KIF1A: variants seen among roughly 807,000 people sequenced by gnomAD.
KIF1A encodes the protein kinesin-like protein KIF1A.
KIF1A carries 46 observed loss-of-function variants against 227.3 expected under a neutral mutation model. That is an observed-to-expected ratio of 0.20 (90% confidence interval 0.16 to 0.26). The LOEUF is 0.26. Ranked by LOEUF, KIF1A falls within the 10% of genes least tolerant of loss-of-function variation. The pLI is 1.00. For synonymous variants in KIF1A, 1,022 were observed against 1,012.8 expected (o/e 1.01, Z -0.17); for missense variants, 1,683 against 2,485.9 (o/e 0.68, Z 6.87).
At chr2:240,819,341 G>C (rs1193795193) in intron 1 of KIF1A, among the ~76,000 whole-genome samples, 3 of 151,812 alleles carry the variant, frequency 2.0e-5, no homozygotes, top group Non-Finnish European at 4.4e-5. Context: ...TCGCCGCCGG[G>C]CCACACCTGT....
In KIF1A at chr2:240,740,062, G is replaced by A. The variant is rs765966897; in HGVS notation, c.3897C>T (p.Val1299=). 12 of 1,582,176 alleles carry A rather than the reference G, an allele frequency of 7.6e-6. No homozygotes were observed. The highest frequency in any genetic ancestry group is 5.4e-5 in the African/African-American group (4 of 73,884). Residue 1299 remains valine (V), a synonymous_variant, in exon 37 of 49, where the codon GTC becomes GTT. Transcript: ENST00000498729. This position sits in a 1 kb window ranked among gnomAD's most constrained non-coding sequence, Gnocchi z 6.1. ...CAGCCCCCACACCGCACTCACCCAC[G>A]ACCAGCTCGCGCACTTCCTTCCAGC... ...HIRWKEVREL[V]VGRIRNTPET...
intron 2 of KIF1A, among the ~76,000 whole-genome samples, chr2:240,796,250 G>T (rs906873363): frequency 6.6e-6 from 1 of 152,206 alleles, no homozygotes; most frequent in Non-Finnish European, 1.5e-5. Context: ...GCAGCCTGAG[G>T]CTTCCCTCTT....
chr2:240,745,255 C>T (rs932094407), intron 32 of KIF1A, among the ~76,000 whole-genome samples, 172 bp downstream of exon 32: 2 of 152,168 alleles, frequency 1.3e-5, no homozygotes, highest in African/African-American at 2.4e-5. Flanking sequence ...CATCAAGGGT[C>T]TCCCACTGCC....
chr2:240,780,678 C>T (rs544285016), intron 10 of KIF1A, among the ~76,000 whole-genome samples: 7 of 151,764 alleles, frequency 4.6e-5, no homozygotes, highest in Admixed American at 6.6e-5. Flanking sequence ...CACCACGGTT[C>T]CTGAGGCATT....
At chr2:240,718,394 C>T (rs2044823118) in intron 47 of KIF1A, among the ~76,000 whole-genome samples, 1 of 152,236 alleles carries the variant, frequency 6.6e-6, no homozygotes, top group Admixed American at 6.5e-5. Context: ...ACTGCTATGC[C>T]TCCCCACGGG....
At chr2:240,745,380 G>A in intron 32 of KIF1A, 47 bp downstream of exon 32, 1 of 1,398,802 alleles carries the variant, frequency 7.1e-7, no homozygotes, top group South Asian at 1.2e-5. Context: ...GAGGCCCTGG[G>A]AGGGTCAGTC....
At chr2:240,798,276 G>A (rs748644813) in intron 1 of KIF1A, among the ~76,000 whole-genome samples, 1 of 152,266 alleles carries the variant, frequency 6.6e-6, no homozygotes, top group Admixed American at 6.5e-5. Context: ...CCAAGCGCCA[G>A]CTGGTAGCCA....
chr2:240,818,355 G>T (rs747263628), intron 1 of KIF1A, among the ~76,000 whole-genome samples: 40 of 152,302 alleles, frequency 2.6e-4, no homozygotes, highest in Non-Finnish European at 5.3e-4. Context: ...TCAGCCAGCG[G>T]CCTTACCGCA....
chr2:240,775,424 C>T lies in KIF1A; in HGVS notation c.958+427G>A, dbSNP rs1559517524. Among the ~76,000 whole-genome samples, 1 of 152,210 alleles carries T rather than the reference C, an allele frequency of 6.6e-6. No individual in the cohort carries two copies. Among genetic ancestry groups the T allele is most frequent in the Non-Finnish European group, 1.5e-5 (1 of 68,030 alleles). On this transcript the variant is annotated intron_variant, in intron 11 of 48. Transcript: ENST00000498729. This position sits in a 1 kb window ranked among gnomAD's most constrained non-coding sequence, Gnocchi z 5.5. The stretch of plus-strand genomic sequence containing the variant: ...TTCCCACCTCCCCGTCTAAGTCTCA[C>T]TGCTCAGAACTCAGACGGAGAAGAG...
chr2:240,773,253 A>G lies in KIF1A; in HGVS notation c.1041T>C (p.Tyr347=). 1 of 1,613,856 alleles carries G rather than the reference A, an allele frequency of 6.2e-7. No homozygotes were observed. The highest frequency in any genetic ancestry group is 8.5e-7 in the Non-Finnish European group (1 of 1,179,802). Reference sequence around the variant, plus strand: ...AGCGGATCTGCTTGGCCCGGTCAGCATACCTGGGTGGCAGAGGGGGCTGTG... The same window carrying G: ...AGCGGATCTGCTTGGCCCGGTCAGCGTACCTGGGTGGCAGAGGGGGCTGTG... ...NYDETLSTLR[Y]ADRAKQIRCN... is the part of the protein sequence containing the mutation. Residue 347 remains tyrosine (Y), a synonymous_variant, in exon 13 of 49, where the codon TAT becomes TAC. Transcript: ENST00000498729.
At position 240,724,538 on chromosome 2, in the gene KIF1A, C is replaced by T. The variant is rs191747036; in HGVS notation, c.4257-502G>A. ...AGCCCTCAAGGACACTGGATCCTGA[C>T]CCCCAAGCTCTTTCCTCCCAGCTGT... is the stretch of plus-strand genomic sequence containing the variant. On this transcript the variant is annotated intron_variant, in intron 40 of 48. Transcript: ENST00000498729. The T allele has an allele frequency of 2.0e-3, 384 of 187,558 alleles. 3 individuals are homozygous for T. The highest frequency in any genetic ancestry group is 8.7e-3 in the African/African-American group (367 of 42,006). The allele number at this position is 187,558 out of a possible 1,614,324, so 11.6% of individuals were successfully genotyped here.
intron 1 of KIF1A, among the ~76,000 whole-genome samples, chr2:240,804,532 G>T (rs568101038): frequency 2.0e-5 from 3 of 152,162 alleles, no homozygotes; most frequent in South Asian, 2.1e-4. Context: ...CACCTGCTGT[G>T]GGGGGAATGG....
intron 34 of KIF1A, among the ~76,000 whole-genome samples, chr2:240,742,304 C>A (rs2048073708): frequency 6.6e-6 from 1 of 152,186 alleles, no homozygotes; most frequent in African/African-American, 2.4e-5. Context: ...TGCCCGGGAC[C>A]ACACTCCCTC....
At chr2:240,723,767 T>C (rs1249629335) in intron 41 of KIF1A, among the ~76,000 whole-genome samples, 5 of 152,200 alleles carry the variant, frequency 3.3e-5, no homozygotes. Context: ...CCATCTCGGC[T>C]GTGCCCTGGG....
chr2:240,740,356 G>A lies in KIF1A; in HGVS notation c.3758C>T (p.Pro1253Leu). The change falls in exon 36 of 49, where the codon CCG (proline) becomes CTG (leucine). Residue 1253 changes from proline to leucine, a missense_variant. Around this residue, in one of 12 missense-constraint regions of KIF1A, gnomAD observed 759 missense variants for 1,020.2 expected, o/e 0.74. Coordinates refer to ENST00000498729, the MANE Select transcript of KIF1A (RefSeq NM_001244008.2). The surrounding 1 kb of genome is among the most constrained non-coding windows in gnomAD (Gnocchi z 6.1). ...GCCCCCACGGTGGTCCACCACGGCC[G>A]GGATGTAACTGGAAGAGAGAGACAC... ...CELEANGDYI[P>L]AVVDHRGGMP... 1 of 1,613,576 alleles carries A rather than the reference G, an allele frequency of 6.2e-7. No individual in the cohort carries two copies. Among genetic ancestry groups the A allele is most frequent in the Non-Finnish European group, 8.5e-7 (1 of 1,179,672 alleles).
chr2:240,787,561 A>G (rs2055103689), intron 4 of KIF1A, among the ~76,000 whole-genome samples: 1 of 152,104 alleles, frequency 6.6e-6, no homozygotes, highest in South Asian at 2.1e-4. Context: ...TGGCTCTGCC[A>G]TCCTACAGAC....
chr2:240,778,989 C>T lies in KIF1A; in HGVS notation c.883-3063G>A, dbSNP rs535234746. Among the ~76,000 whole-genome samples, 2 of 152,304 alleles carry T rather than the reference C, an allele frequency of 1.3e-5. No homozygotes were observed. The highest frequency in any genetic ancestry group is 4.8e-5 in the African/African-American group (2 of 41,534). On this transcript the variant is annotated intron_variant, in intron 10 of 48. Transcript: ENST00000498729. The surrounding 1 kb of genome is among the most constrained non-coding windows in gnomAD (Gnocchi z 7.2). ...ACGGCTCCTCACGGGTCCCCAACAG[C>T]ACCTCCATGTTCCCACCCAGTTCCA...
intron 20 of KIF1A, among the ~76,000 whole-genome samples, chr2:240,765,348 C>T (rs923395035): frequency 6.6e-6 from 1 of 152,264 alleles, no homozygotes; most frequent in Non-Finnish European, 1.5e-5. Context: ...TCTGGGAAGC[C>T]CTTGTCCACT....
At chr2:240,750,368 C>T (rs566782579) in intron 28 of KIF1A, 61 bp downstream of exon 28, 7 of 1,308,006 alleles carry the variant, frequency 5.4e-6, no homozygotes, top group South Asian at 1.2e-5. Context: ...CCTCTGCCTG[C>T]AAAGGTCAGA....
Sources: gnomAD v4.1 joint callset for allele counts (sites outside exome capture counted in the v4.1 genomes callset) on GRCh38, gnomAD v4.1.1 for gene constraint, gnomAD v4.1.1 regional missense constraint, Gnocchi (gnomAD v3.1) non-coding constraint, MANE v1.5 for transcripts, NCBI Gene and HGNC (gene_info 2026-07-23, HGNC 2026-07-21) for gene names.